Variants in DNAH8 observed in about 807,000 individuals in gnomAD.
DNAH8 encodes the protein axonemal beta dynein heavy chain 8.
Under a neutral mutation model 562.1 loss-of-function variants are expected in DNAH8, and 382 were observed. The observed-to-expected ratio is 0.68, with a 90% CI of 0.63 to 0.74. DNAH8 has a LOEUF of 0.74. Among genes scored for constraint, DNAH8 ranks in the 30% least tolerant of loss-of-function variants. The pLI, the probability that DNAH8 is intolerant of heterozygous loss-of-function variation, is 0.00. For missense variants in DNAH8, 5,203 were observed against 5,620.4 expected, an observed-to-expected ratio of 0.93 and a Z score of 2.37; for synonymous variants, 1,881 against 1,919.4, an observed-to-expected ratio of 0.98 and a Z score of 0.52.
At chr6:38,823,513 A>T (rs1281401293) in intron 27 of DNAH8, 49 bp from the exon 28 acceptor site, 2 of 1,411,774 alleles carry the variant, frequency 1.4e-6, no homozygotes, top group Non-Finnish European at 2.0e-6. Flanking sequence ...AACTATGGTA[A>T]GATTTATACT....
intron 65 of DNAH8, among the ~76,000 whole-genome samples, chr6:38,910,432 T>C (rs1196003996): frequency 6.6e-6 from 1 of 152,216 alleles, no homozygotes; most frequent in Non-Finnish European, 1.5e-5. Context: ...TGATTTTCAG[T>C]GAGGTTCCTA....
intron 91 of DNAH8, among the ~76,000 whole-genome samples, chr6:39,022,186 TG>T (rs1766960900): frequency 1.3e-5 from 2 of 152,178 alleles, no homozygotes; most frequent in Admixed American, 6.5e-5. Context: ...TGTGGGTAAG[TG>T]GGGGGTAGCT....
intron 83 of DNAH8, 35 bp from the exon 84 acceptor site, chr6:38,973,626 A>G (rs777434026): frequency 7.3e-6 from 11 of 1,515,068 alleles, no homozygotes; most frequent in Non-Finnish European, 9.7e-6. Flanking sequence ...CAAAAAGGTT[A>G]CAAGAAATAA....
chr6:38,798,731 G>T (rs894518602), intron 21 of DNAH8, among the ~76,000 whole-genome samples: 1 of 152,194 alleles, frequency 6.6e-6, no homozygotes, highest in African/African-American at 2.4e-5. Flanking sequence ...TTTTGCACGT[G>T]TTCTTTGATC....
At chr6:38,815,361 T>G (rs1583077622) in intron 25 of DNAH8, 107 bp from the exon 26 acceptor site, 1 of 812,242 alleles carries the variant, frequency 1.2e-6, no homozygotes, top group South Asian at 1.8e-5. Context: ...AGCCTTGCAC[T>G]GGGCCAGCCG....
intron 23 of DNAH8, 91 bp from the exon 24 acceptor site, chr6:38,807,519 C>T (rs893160957): frequency 3.9e-5 from 20 of 518,242 alleles, no homozygotes; most frequent in African/African-American, 3.0e-4. Flanking sequence ...TTGCCTTTCA[C>T]ATGCCACATC....
intron 12 of DNAH8, among the ~76,000 whole-genome samples, chr6:38,770,904 C>T (rs1052079848): frequency 6.6e-6 from 1 of 152,166 alleles, no homozygotes; most frequent in African/African-American, 2.4e-5. Context: ...TGATAGAAGT[C>T]AGTAGTTGTG....
chr6:38,730,200 T>A (rs1396719542), intron 4 of DNAH8, among the ~76,000 whole-genome samples: 1 of 152,232 alleles, frequency 6.6e-6, no homozygotes, highest in African/African-American at 2.4e-5. Flanking sequence ...AAAACATCCT[T>A]GTAGAAATCA....
chr6:38,718,292 T>C lies in DNAH8; in HGVS notation c.-35+2877T>C, dbSNP rs1582811428. Among the ~76,000 whole-genome samples, 3 of 152,328 alleles carry C rather than the reference T, an allele frequency of 2.0e-5. No homozygotes were observed. In the South Asian group the frequency reaches 6.2e-4, roughly 32 times the overall value. On this transcript the variant is annotated intron_variant, in intron 1 of 92. Coordinates refer to ENST00000327475, the MANE Select transcript of DNAH8 (RefSeq NM_001206927.2). The stretch of plus-strand genomic sequence containing the variant: ...TGTATATCTATCTATATATAGTTGG[T>C]AAGATTTTTTCATTTTTGCTACAGT...
chr6:38,940,827 G>C (rs1008116260), intron 79 of DNAH8, among the ~76,000 whole-genome samples: 22 of 152,216 alleles, frequency 1.4e-4, no homozygotes, highest in African/African-American at 5.3e-4. Context: ...AATTAGAAAA[G>C]ATAACCTAGG....
intron 79 of DNAH8, 67 bp downstream of exon 79, chr6:38,939,055 C>G (rs1783220585): frequency 2.4e-6 from 3 of 1,244,330 alleles, no homozygotes; most frequent in Non-Finnish European, 3.3e-6. Flanking sequence ...TTTGATATAC[C>G]ATAAACCCAT....
chr6:38,891,551 A>G (rs1179808870), intron 58 of DNAH8, among the ~76,000 whole-genome samples: 1 of 152,194 alleles, frequency 6.6e-6, no homozygotes. Flanking sequence ...TGGAAGAGGA[A>G]TTTGGGGGTT....
At chr6:38,938,293 G>A in intron 78 of DNAH8, 67 bp downstream of exon 78, 1 of 1,537,718 alleles carries the variant, frequency 6.5e-7, no homozygotes, top group Non-Finnish European at 8.7e-7. Context: ...TACTCTTTTA[G>A]AAATTGCTTT....
chr6:38,750,772 A>T (rs1231165250), intron 9 of DNAH8, among the ~76,000 whole-genome samples, 183 bp downstream of exon 9: 3 of 151,816 alleles, frequency 2.0e-5, no homozygotes, highest in Non-Finnish European at 2.9e-5. Flanking sequence ...CATCTATATA[A>T]AAAAAAATAG....
At chr6:38,805,027 A>C (rs1363499613) in intron 22 of DNAH8, among the ~76,000 whole-genome samples, 2 of 152,170 alleles carry the variant, frequency 1.3e-5, no homozygotes, top group Non-Finnish European at 2.9e-5. Context: ...GACCCACCCA[A>C]GATGTCAGTA....
At chr6:38,938,314 A>G (rs748861939) in intron 78 of DNAH8, 88 bp downstream of exon 78, 3 of 1,452,430 alleles carry the variant, frequency 2.1e-6, no homozygotes, top group Non-Finnish European at 2.8e-6. Flanking sequence ...TTCACTATTC[A>G]CAATAGCAAA....
At chr6:38,725,407 C>A (rs1040828975) in intron 3 of DNAH8, among the ~76,000 whole-genome samples, 2 of 151,802 alleles carry the variant, frequency 1.3e-5, no homozygotes, top group African/African-American at 4.8e-5. Context: ...TCATGTCGTC[C>A]AGTATCCTTA....
intron 8 of DNAH8, chr6:38,743,981 A>G (rs1350692089): frequency 6.6e-6 from 1 of 152,188 alleles, no homozygotes; most frequent in Non-Finnish European, 1.5e-5. Flanking sequence ...ATATTGCTGC[A>G]GTTGAAGCTT....
At chr6:38,927,890 A>C (rs970119899) in intron 74 of DNAH8, 6 of 152,142 alleles carry the variant, frequency 3.9e-5, no homozygotes, top group Non-Finnish European at 7.4e-5. Context: ...TATTTTAAAA[A>C]CCATCCACTG....
Sources: allele counts gnomAD v4.1 joint callset (sites outside exome capture counted in the v4.1 genomes callset), GRCh38; gene constraint gnomAD v4.1.1; transcripts MANE v1.5; gene names NCBI Gene and HGNC (gene_info 2026-07-23, HGNC 2026-07-21).